The following OSBP2 variants were observed in gnomAD, a reference collection of about 807,000 sequenced individuals.
OSBP2 encodes oxysterol binding protein 2, also known as oxysterol-binding protein 2.
In OSBP2, 66 loss-of-function variants were observed where a neutral mutation model predicts 96.0. The ratio of observed to expected loss-of-function variants is 0.69; its 90% CI spans 0.56 to 0.84. OSBP2 has a LOEUF of 0.84. OSBP2 is among the 40% of genes least tolerant of loss of function. The probability of loss-of-function intolerance (pLI) is 0.00; values close to 1 mark genes in which losing one functional copy is unlikely to be tolerated. For synonymous variants in OSBP2, 525 were observed against 520.9 expected, an observed-to-expected ratio of 1.01 and a Z score of -0.11; for missense variants, 1,038 against 1,222.7, an observed-to-expected ratio of 0.85 and a Z score of 2.25.
In OSBP2 at chr22:30,741,264, AG is replaced by A. The variant is rs762687938; in HGVS notation, c.750del (p.Ser251AlafsTer29). ...SCGILLTSGA[R>X]SYHLKASSEV... ...TGGTATCTTGCTGACCAGTGGGGCC[AG>A]GAGCTACCACCTCAAGGCCAGCTCA... On this transcript the variant is annotated frameshift_variant, in exon 2 of 14. Coordinates refer to ENST00000332585, the MANE Select transcript of OSBP2 (RefSeq NM_030758.4). LOFTEE classifies it high-confidence loss of function. 6.2e-7 allele frequency: 1 copy of A among 1,614,046 alleles called. No individual in the cohort carries two copies. The highest frequency in any genetic ancestry group is 8.5e-7 in the Non-Finnish European group (1 of 1,180,006).
Position 30,871,890 on chromosome 22 carries a change from C to T in OSBP2, c.1107+1208C>T, listed in dbSNP as rs1416857514. On this transcript the variant is annotated intron_variant, in intron 3 of 13. Coordinates refer to ENST00000332585, the MANE Select transcript of OSBP2 (RefSeq NM_030758.4). The surrounding 1 kb of genome is among the most constrained non-coding windows in gnomAD (Gnocchi z 4.7). ...GGCAGGAGGGCCACCCCACCACCCA[C>T]ACCTGCCCAGATATGCTCAGGCTCA... Among the ~76,000 whole-genome samples the T allele has an allele frequency of 6.6e-6, 1 of 152,238 alleles. No individual in the cohort carries two copies. Among genetic ancestry groups the T allele is most frequent in the African/African-American group, 2.4e-5 (1 of 41,464 alleles).
At chr22:30,903,738 A>G (rs1175848330) in intron 12 of OSBP2, among the ~76,000 whole-genome samples, 1 of 152,212 alleles carries the variant, frequency 6.6e-6, no homozygotes, top group Non-Finnish European at 1.5e-5. Context: ...CAGCGCTGAC[A>G]CGGTGTTTCC....
chr22:30,749,761 C>T (rs1283467579), intron 2 of OSBP2, among the ~76,000 whole-genome samples: 1 of 152,176 alleles, frequency 6.6e-6, no homozygotes, highest in Non-Finnish European at 1.5e-5. Flanking sequence ...GCATGCGCCA[C>T]CATGCCTGGC....
At chr22:30,729,665 A>G (rs967672434) in intron 1 of OSBP2, among the ~76,000 whole-genome samples, 2 of 152,016 alleles carry the variant, frequency 1.3e-5, no homozygotes, top group African/African-American at 4.8e-5. Flanking sequence ...GTGTGTGTAT[A>G]TATGTGTGTG....
At chr22:30,715,368 C>CTCT (rs1555907266) in intron 1 of OSBP2, among the ~76,000 whole-genome samples, 7 of 140,724 alleles carry the variant, frequency 5.0e-5, no homozygotes, top group Non-Finnish European at 1.1e-4. Context: ...CTCTCTCTCT[C>CTCT]TTTTTTTTTT....
intron 1 of OSBP2, among the ~76,000 whole-genome samples, chr22:30,702,947 A>G (rs1305806443): frequency 1.3e-5 from 2 of 152,202 alleles, no homozygotes; most frequent in East Asian, 1.9e-4. Context: ...CTGTGAGTTT[A>G]TGGGATTTCA....
At chr22:30,748,718 C>G (rs1407478653) in intron 2 of OSBP2, among the ~76,000 whole-genome samples, 1 of 152,194 alleles carries the variant, frequency 6.6e-6, no homozygotes, top group Admixed American at 6.5e-5. Context: ...GAAATCAAGG[C>G]AAGTCACAGA....
chr22:30,729,653 A>ATG (rs933832785), intron 1 of OSBP2, among the ~76,000 whole-genome samples: 2 of 151,954 alleles, frequency 1.3e-5, no homozygotes, highest in African/African-American at 4.8e-5. Flanking sequence ...ATATATATAT[A>ATG]TGTGTGTGTA....
At chr22:30,763,677 G>A (rs1310699587) in intron 2 of OSBP2, among the ~76,000 whole-genome samples, 1 of 150,716 alleles carries the variant, frequency 6.6e-6, no homozygotes, top group Admixed American at 6.6e-5. Flanking sequence ...AGTTTAATTT[G>A]AGCTTCAAAT....
intron 2 of OSBP2, among the ~76,000 whole-genome samples, chr22:30,757,475 TG>T (rs2090156065): frequency 6.6e-6 from 1 of 151,928 alleles, no homozygotes; most frequent in Non-Finnish European, 1.5e-5. Context: ...TGGAGTACAA[TG>T]GCATGATCTC....
At position 30,870,232 on chromosome 22, in the gene OSBP2, G is replaced by C. The variant is rs1374341525; in HGVS notation, c.854-197G>C. Among the ~76,000 whole-genome samples, 1 of 152,114 alleles carries C rather than the reference G, an allele frequency of 6.6e-6. No homozygotes were observed. On this transcript the variant is annotated intron_variant, in intron 2 of 13. Transcript: ENST00000332585. The surrounding 1 kb of genome is among the most constrained non-coding windows in gnomAD (Gnocchi z 4.1). ...TTCCCACTGACTCAGGTGGGCCCTT[G>C]CCCACCCCACCCTGGGAAGGCTGGG...
intron 2 of OSBP2, among the ~76,000 whole-genome samples, chr22:30,868,302 C>T (rs2039387214): frequency 6.6e-6 from 1 of 152,250 alleles, no homozygotes; most frequent in African/African-American, 2.4e-5. Context: ...TCAGAACCTG[C>T]ATTTTCTTGC....
chr22:30,843,356 T>C (rs1339307869), intron 2 of OSBP2, among the ~76,000 whole-genome samples: 4 of 152,088 alleles, frequency 2.6e-5, no homozygotes, highest in Non-Finnish European at 4.4e-5. Context: ...GGCTCCCACA[T>C]TGTCCAGTAT....
intron 2 of OSBP2, among the ~76,000 whole-genome samples, chr22:30,818,806 G>T (rs7289612): frequency 7.2e-5 from 11 of 152,152 alleles, no homozygotes; most frequent in Admixed American, 7.2e-4. Context: ...CAGGTGGGGC[G>T]TGACAAGGAA....
chr22:30,767,138 C>CAAA (rs1156950666), intron 2 of OSBP2, among the ~76,000 whole-genome samples: 21,638 of 78,080 alleles, frequency 0.28, 2,517 homozygotes, highest in Non-Finnish European at 0.34. Context: ...ACTAAAAATA[C>CAAA]AAAAAAAAAA....
At chr22:30,709,672 C>T (rs1032886606) in intron 1 of OSBP2, among the ~76,000 whole-genome samples, 1 of 151,540 alleles carries the variant, frequency 6.6e-6, no homozygotes, top group Non-Finnish European at 1.5e-5. Flanking sequence ...TGAGCCACCG[C>T]ACCTGGCCAA....
chr22:30,817,164 A>C (rs868034357), intron 2 of OSBP2, among the ~76,000 whole-genome samples: 25 of 152,368 alleles, frequency 1.6e-4, no homozygotes, highest in African/African-American at 5.3e-4. Context: ...TTCAGTGCAG[A>C]ATCATTTATT....
intron 2 of OSBP2, among the ~76,000 whole-genome samples, chr22:30,778,333 A>ACACACC (rs528319552): frequency 1.5e-4 from 22 of 148,800 alleles, no homozygotes; most frequent in African/African-American, 4.8e-4. Context: ...ACACACACAC[A>ACACACC]CCCACTGACA....
chr22:30,734,297 T>A (rs1363005415), intron 1 of OSBP2, among the ~76,000 whole-genome samples: 1 of 152,166 alleles, frequency 6.6e-6, no homozygotes, highest in Non-Finnish European at 1.5e-5. Flanking sequence ...TGAGCCCTGA[T>A]GAAACTGGGA....
Sources: allele counts gnomAD v4.1 joint callset (sites outside exome capture counted in the v4.1 genomes callset), GRCh38; gene constraint gnomAD v4.1.1; non-coding constraint Gnocchi (gnomAD v3.1); transcripts MANE v1.5; gene names NCBI Gene and HGNC (gene_info 2026-07-23, HGNC 2026-07-21).